EFR3A: variants seen among roughly 807,000 people sequenced by gnomAD.
The protein encoded by EFR3A is protein EFR3 homolog A.
Under a neutral mutation model 104.4 loss-of-function variants are expected in EFR3A, and 76 were observed. The ratio of observed to expected loss-of-function variants is 0.73; its 90% CI spans 0.60 to 0.88. The LOEUF is 0.88. EFR3A is among the 40% of genes least tolerant of loss of function. The pLI is 0.00. For missense variants in EFR3A, 985 were observed against 1,012.5 expected (o/e 0.97, Z 0.37); for synonymous variants, 330 against 330.0 (o/e 1.00, Z 0.00).
At chr8:131,939,381 C>T (rs1349022624) in intron 1 of EFR3A, among the ~76,000 whole-genome samples, 1 of 152,110 alleles carries the variant, frequency 6.6e-6, no homozygotes. Context: ...TTATCTGTCT[C>T]TCCTGGTAAA....
At position 131,973,311 on chromosome 8, in the gene EFR3A, A is replaced by G. The variant is rs576693421; in HGVS notation, c.1159+2668A>G. On this transcript the variant is annotated intron_variant, in intron 10 of 22. Transcript: ENST00000254624. ...TCACATTTATTTCGGTTATTTATAG[A>G]TTTTTTGCGATATTCGAGGATGTTA... Among the ~76,000 whole-genome samples, 35 of 151,924 alleles carry G rather than the reference A, an allele frequency of 2.3e-4. No individual in the cohort carries two copies. In the South Asian group the frequency reaches 7.3e-3, roughly 32 times the overall value.
chr8:131,918,877 G>C (rs1410451173), intron 1 of EFR3A, among the ~76,000 whole-genome samples: 1 of 152,182 alleles, frequency 6.6e-6, no homozygotes, highest in Non-Finnish European at 1.5e-5. Context: ...TTTTGCCTGA[G>C]ATAACTCATA....
chr8:131,906,705 A>G (rs1816280913), intron 1 of EFR3A, among the ~76,000 whole-genome samples: 1 of 152,222 alleles, frequency 6.6e-6, no homozygotes, highest in African/African-American at 2.4e-5. Flanking sequence ...ACCACCTGGA[A>G]GGATGCCTGA....
chr8:131,996,620 A>G, intron 19 of EFR3A, 123 bp downstream of exon 19: 1 of 548,650 alleles, frequency 1.8e-6, no homozygotes, highest in African/African-American at 2.0e-5. Flanking sequence ...AATCAACTAA[A>G]TTATTAGTAG....
In EFR3A at chr8:131,959,581, G is replaced by T. The variant is rs1408441453; in HGVS notation, c.777-4G>T. On this transcript the variant is annotated splice_region_variant and splice_polypyrimidine_tract_variant and intron_variant, in intron 7 of 22. Transcript: ENST00000254624. Reference sequence around the variant, plus strand: ...AATTTTAAAGTAATTTTTGTTATTTGCAGGCATTTAGATCATCACAAACTG... The same window carrying T: ...AATTTTAAAGTAATTTTTGTTATTTTCAGGCATTTAGATCATCACAAACTG... 3 of 1,607,820 alleles carry T rather than the reference G, an allele frequency of 1.9e-6. No homozygotes were observed. Among genetic ancestry groups the T allele is most frequent in the Non-Finnish European group, 1.7e-6 (2 of 1,177,878 alleles).
chr8:131,922,888 T>A (rs1817118176), intron 1 of EFR3A, among the ~76,000 whole-genome samples: 1 of 152,196 alleles, frequency 6.6e-6, no homozygotes, highest in South Asian at 2.1e-4. Flanking sequence ...TGTTGAACTT[T>A]CTGTTTTATA....
intron 1 of EFR3A, among the ~76,000 whole-genome samples, chr8:131,906,930 C>T (rs190552570): frequency 4.6e-5 from 7 of 152,304 alleles, no homozygotes; most frequent in Admixed American, 3.9e-4. Context: ...TTTTCAAACT[C>T]TGAATCGGAG....
At chr8:131,943,728 C>T (rs867178857) in intron 2 of EFR3A, among the ~76,000 whole-genome samples, 1 of 151,932 alleles carries the variant, frequency 6.6e-6, no homozygotes, top group South Asian at 2.1e-4. Flanking sequence ...TCTATGACAA[C>T]CCATAATGCC....
intron 10 of EFR3A, among the ~76,000 whole-genome samples, chr8:131,973,345 A>T (rs1289700011): frequency 6.6e-6 from 1 of 152,182 alleles, no homozygotes; most frequent in African/African-American, 2.4e-5. Context: ...TAAATCAGCT[A>T]ATCTTGTTTT....
intron 7 of EFR3A, 55 bp from the exon 8 acceptor site, chr8:131,959,530 G>A: frequency 7.0e-7 from 1 of 1,437,612 alleles, no homozygotes; most frequent in South Asian, 1.2e-5. Flanking sequence ...GAGGTTTCTA[G>A]AGGAAGAAAG....
chr8:131,955,804 CAAAG>C lies in EFR3A; in HGVS notation c.678_681del (p.Glu227ArgfsTer23), dbSNP rs759477133. 1 of 1,613,246 alleles carries C rather than the reference CAAAG, an allele frequency of 6.2e-7. No homozygotes were observed. The highest frequency in any genetic ancestry group is 1.3e-5 in the African/African-American group (1 of 75,008). ...CTCCTTCTTCTCCTTCTGCAACTGA[CAAAG>C]AAGAGAATCCTGCTGTGCTGGCTGA... On this transcript the variant is annotated frameshift_variant, in exon 7 of 23. Coordinates refer to ENST00000254624, the MANE Select transcript of EFR3A (RefSeq NM_015137.6). LOFTEE classifies it high-confidence loss of function.
intron 22 of EFR3A, among the ~76,000 whole-genome samples, chr8:132,007,948 T>A (rs907677148): frequency 6.6e-6 from 1 of 151,984 alleles, no homozygotes; most frequent in Non-Finnish European, 1.5e-5. Flanking sequence ...AAACATTAAT[T>A]ATTAAGTTGG....
In EFR3A at chr8:132,002,591, A is replaced by G. The variant is rs1821836535; in HGVS notation, c.2207-12A>G. ...TATTCCCTTTAATAAGTCTTTATAA[A>G]TATTTGTATAGATACCAGTGGAATG... On this transcript the variant is annotated splice_polypyrimidine_tract_variant and intron_variant, in intron 20 of 22. Transcript: ENST00000254624. The G allele has an allele frequency of 6.3e-7, 1 of 1,598,240 alleles. No individual in the cohort carries two copies. The highest frequency in any genetic ancestry group is 1.1e-5 in the South Asian group (1 of 90,278).
intron 9 of EFR3A, among the ~76,000 whole-genome samples, chr8:131,970,273 G>A (rs574838078): frequency 6.6e-6 from 1 of 152,254 alleles, no homozygotes; most frequent in South Asian, 2.1e-4. Context: ...TAAATGCCCA[G>A]TAAATGTTTG....
chr8:131,944,947 A>T, intron 3 of EFR3A, 75 bp downstream of exon 3: 1 of 1,511,502 alleles, frequency 6.6e-7, no homozygotes. Context: ...TCTATAGATT[A>T]TTTTGCCATT....
At chr8:131,959,904 A>G (rs747351992) in intron 8 of EFR3A, among the ~76,000 whole-genome samples, 1 of 152,254 alleles carries the variant, frequency 6.6e-6, no homozygotes, top group Non-Finnish European at 1.5e-5. Context: ...AGGCCAACAC[A>G]GACAAGCTTC....
rs1822332569 is a variant in EFR3A at position 132,011,289 on chromosome 8, A to G, written c.*394A>G. On this transcript the variant is annotated 3_prime_UTR_variant, in exon 23 of 23. Coordinates refer to ENST00000254624, the MANE Select transcript of EFR3A (RefSeq NM_015137.6). ...CATCTACACAGCCGCTTAGATGTAG[A>G]ATTTTTGTTGTTGTTTTCTGCAAAG... 1.0e-6 allele frequency: 1 copy of G among 987,966 alleles called. No individual in the cohort carries two copies. Among genetic ancestry groups the G allele is most frequent in the East Asian group, 1.1e-4 (1 of 8,994 alleles). 61.2% of individuals were successfully genotyped at this position (987,966 alleles called of 1,614,324 possible).
At chr8:131,988,791 G>A (rs529669481) in intron 18 of EFR3A, among the ~76,000 whole-genome samples, 6 of 152,124 alleles carry the variant, frequency 3.9e-5, no homozygotes, top group Non-Finnish European at 5.9e-5. Flanking sequence ...TGTCCTCTAG[G>A]AAAATAGCTT....
At chr8:131,932,328 TGACA>T (rs1173229742) in intron 1 of EFR3A, among the ~76,000 whole-genome samples, 2 of 152,094 alleles carry the variant, frequency 1.3e-5, no homozygotes, top group Admixed American at 6.6e-5. Flanking sequence ...TAGAAATGAG[TGACA>T]GACAGTTCCT....
Sources: gnomAD v4.1 joint callset for allele counts (sites outside exome capture counted in the v4.1 genomes callset) on GRCh38, gnomAD v4.1.1 for gene constraint, MANE v1.5 for transcripts, NCBI Gene and HGNC (gene_info 2026-07-23, HGNC 2026-07-21) for gene names.